RGL3: variants seen among roughly 807,000 people sequenced by gnomAD.
RGL3 encodes the protein ral guanine nucleotide dissociation stimulator like 3, also known as ral guanine nucleotide dissociation stimulator-like 3.
RGL3 carries 85 observed loss-of-function variants against 90.6 expected under a neutral mutation model. That is an observed-to-expected ratio of 0.94 (90% CI 0.79 to 1.12). The LOEUF is 1.12. RGL3 is among the 50% of genes most tolerant of loss of function. The pLI, the probability that RGL3 is intolerant of heterozygous loss-of-function variation, is 0.00. For missense variants in RGL3, 1,034 were observed against 939.2 expected, an observed-to-expected ratio of 1.10 and a Z score of -1.32; for synonymous variants, 408 against 385.5, an observed-to-expected ratio of 1.06 and a Z score of -0.68.
chr19:11,408,428 A>G (rs1428253191), intron 5 of RGL3, among the ~76,000 whole-genome samples: 2 of 152,058 alleles, frequency 1.3e-5, no homozygotes, highest in African/African-American at 4.8e-5. Flanking sequence ...CTAAAAAAAA[A>G]TACAAAAATT....
At position 11,413,736 on chromosome 19, in the gene RGL3, A is replaced by T. The variant is rs114237794; in HGVS notation, c.637+2201T>A. Among the ~76,000 whole-genome samples the T allele has an allele frequency of 2.5e-3, 366 of 148,544 alleles. 4 individuals are homozygous for T. The highest frequency in any genetic ancestry group is 8.1e-3 in the African/African-American group (331 of 40,852). On this transcript the variant is annotated intron_variant, in intron 5 of 18. Transcript: ENST00000380456. Reference sequence around the variant, plus strand: ...TAATTAATTAATTAATTATTATTATAATTTTGTTTTTTGGTTTTTTTTTTT... The same window carrying T: ...TAATTAATTAATTAATTATTATTATTATTTTGTTTTTTGGTTTTTTTTTTT...
At chr19:11,411,957 T>A (rs533235938) in intron 5 of RGL3, among the ~76,000 whole-genome samples, 5 of 152,166 alleles carry the variant, frequency 3.3e-5, no homozygotes, top group African/African-American at 1.2e-4. Flanking sequence ...GATTTTTTTT[T>A]AAGTATGAAC....
intron 4 of RGL3, 146 bp from the exon 5 acceptor site, chr19:11,416,294 C>T (rs532778782): frequency 1.5e-6 from 1 of 686,568 alleles, no homozygotes; most frequent in Non-Finnish European, 2.4e-6. Context: ...TCTTGACTCA[C>T]TGCAACCTCA....
chr19:11,419,119 T>TG, intron 1 of RGL3, 127 bp downstream of exon 1: 1 of 1,004,972 alleles, frequency 1.0e-6, no homozygotes, highest in Non-Finnish European at 1.4e-6. Flanking sequence ...GGGCCGCGAG[T>TG]CCCCAGGAGG....
chr19:11,396,154 A>AT (rs1968566216), intron 18 of RGL3, among the ~76,000 whole-genome samples: 4 of 65,886 alleles, frequency 6.1e-5, no homozygotes, highest in Non-Finnish European at 8.2e-5. Flanking sequence ...ATATATATAT[A>AT]TATATTTTTT....
intron 9 of RGL3, 130 bp from the exon 10 acceptor site, chr19:11,402,836 G>A (rs1177690404): frequency 7.0e-5 from 53 of 752,936 alleles, no homozygotes; most frequent in South Asian, 9.3e-5. Flanking sequence ...GGCCAGGTGC[G>A]ATGGCTCACG....
At position 11,416,908 on chromosome 19, in the gene RGL3, T is replaced by C. The variant is rs371958543; in HGVS notation, c.299A>G (p.Tyr100Cys). Residue 100 changes from tyrosine to cysteine, a missense_variant, in exon 3 of 19, where the codon TAC (tyrosine) becomes TGC (cysteine). By Grantham distance (194) the Tyr-to-Cys change is radical. Coordinates refer to ENST00000380456, the MANE Select transcript of RGL3 (RefSeq NM_001035223.4). ...GCAGGCAGTGGGTACAAAGGTCCGG[T>C]AGGTGGCCAGGAAGGCGGGCATGAA... ...PSFMPAFLAT[Y>C]RTFVPTACLL... 211 of 1,613,862 alleles carry C rather than the reference T, an allele frequency of 1.3e-4. No homozygotes were observed. The highest frequency in any genetic ancestry group is 1.7e-4 in the Non-Finnish European group (202 of 1,179,986).
At chr19:11,408,413 C>T (rs1428623458) in intron 5 of RGL3, among the ~76,000 whole-genome samples, 1 of 152,014 alleles carries the variant, frequency 6.6e-6, no homozygotes, top group African/African-American at 2.4e-5. Context: ...GAAACCCCGT[C>T]TCTACTAAAA....
intron 5 of RGL3, chr19:11,411,228 A>AG (rs1968869318): frequency 6.6e-6 from 1 of 152,060 alleles, no homozygotes; most frequent in Non-Finnish European, 1.5e-5. Context: ...AAAAAAAAAA[A>AG]AAAGAGAAGC....
chr19:11,409,977 C>T lies in RGL3; in HGVS notation c.638-3113G>A, dbSNP rs140641995. On this transcript the variant is annotated intron_variant, in intron 5 of 18. Coordinates refer to ENST00000380456, the MANE Select transcript of RGL3 (RefSeq NM_001035223.4). ...ATTTTGTGATGGAGTCTTGCTCTGT[C>T]GCCCAGGCTGGAGTGCAGTGGCTCG... is the stretch of plus-strand genomic sequence containing the variant. Among the ~76,000 whole-genome samples the T allele has an allele frequency of 2.4e-3, 370 of 151,824 alleles. 2 individuals are homozygous for T. Among genetic ancestry groups the T allele is most frequent in the African/African-American group, 8.6e-3 (357 of 41,440 alleles).
chr19:11,416,215 CCT>C (rs1968994333), intron 4 of RGL3, 67 bp from the exon 5 acceptor site: 6 of 855,184 alleles, frequency 7.0e-6, no homozygotes, highest in Non-Finnish European at 8.2e-6. Context: ...ACTCCTGGTA[CCT>C]TTTTTTTTTT....
chr19:11,394,298 G>C lies in RGL3; in HGVS notation c.*104C>G. ...GGGCTACAGTTGGGTGGTGGTCCTG[G>C]GATACACAGCACAGTGGCCTCTACT... is the stretch of plus-strand genomic sequence containing the variant. On this transcript the variant is annotated 3_prime_UTR_variant, in exon 19 of 19. Coordinates refer to ENST00000380456, the MANE Select transcript of RGL3 (RefSeq NM_001035223.4). The C allele has an allele frequency of 2.4e-6, 2 of 846,648 alleles. No individual in the cohort carries two copies. Among genetic ancestry groups the C allele is most frequent in the Non-Finnish European group, 4.1e-6 (2 of 489,912 alleles). 52.4% of individuals were successfully genotyped at this position (846,648 alleles called of 1,614,324 possible). A position where few individuals can be genotyped will look rare whatever the true frequency, so the allele number is the denominator to read the frequency against.
Position 11,416,655 on chromosome 19 carries a change from C to T in RGL3, c.384G>A (p.Lys128=). The T allele has an allele frequency of 6.2e-7, 1 of 1,614,136 alleles. No homozygotes were observed. Among genetic ancestry groups the T allele is most frequent in the East Asian group, 2.2e-5 (1 of 44,878 alleles). The change falls in exon 4 of 19, where the codon AAG becomes AAA. Residue 128 remains lysine (K), a synonymous_variant. Coordinates refer to ENST00000380456, the MANE Select transcript of RGL3 (RefSeq NM_001035223.4). ...AGCTCAGATCTTGTACCGCTGTCTT[C>T]TTGATCTCTACCCTGGGAAGAGGCC... ...PPPPPPGVEI[K]KTAVQDLSFN...
chr19:11,399,803 A>G, intron 16 of RGL3, 52 bp downstream of exon 16: 2 of 1,039,138 alleles, frequency 1.9e-6, no homozygotes, highest in Non-Finnish European at 2.8e-6. Context: ...GTGCACACAC[A>G]CAGAGCCTGG....
rs1213558192 is a variant in RGL3 at position 11,397,289 on chromosome 19, A to G, written c.1969T>C (p.Trp657Arg). The G allele has an allele frequency of 1.2e-6, 2 of 1,613,612 alleles. No homozygotes were observed. Reference sequence around the variant, plus strand: ...TGAAAGAGCTGATAGTCACAGGCCCAGGGCTGGGGCACATTGTGCTTCTGC... The same window carrying G: ...TGAAAGAGCTGATAGTCACAGGCCCGGGGCTGGGGCACATTGTGCTTCTGC... ...ALQKHNVPQP[W>R]ACDYQLFQVL... The change falls in exon 18 of 19, where the codon TGG becomes CGG. Residue 657 changes from tryptophan to arginine, a missense_variant. Trp to Arg is a moderately radical substitution (Grantham distance 101, BLOSUM62 -3). Transcript: ENST00000380456.
At chr19:11,413,259 G>A (rs1968902538) in intron 5 of RGL3, among the ~76,000 whole-genome samples, 1 of 149,458 alleles carries the variant, frequency 6.7e-6, no homozygotes, top group African/African-American at 2.4e-5. Flanking sequence ...AAGCGGGCCA[G>A]GCATGGTAGC....
chr19:11,407,416 A>G (rs1002110355), intron 5 of RGL3, among the ~76,000 whole-genome samples: 2 of 152,028 alleles, frequency 1.3e-5, no homozygotes, highest in Non-Finnish European at 2.9e-5. Context: ...CACCTTTTAC[A>G]ATTAAGGAAA....
intron 5 of RGL3, among the ~76,000 whole-genome samples, chr19:11,414,318 TAC>T (rs1968937572): frequency 2.4e-5 from 2 of 83,230 alleles, no homozygotes; most frequent in Non-Finnish European, 4.3e-5. Context: ...TATATATATA[TAC>T]CTTCATATAT....
At position 11,397,562 on chromosome 19, in the gene RGL3, G is replaced by A. The variant is rs1424945996; in HGVS notation, c.1782C>T (p.Pro594=). Residue 594 remains proline, a synonymous_variant, in exon 17 of 19, where the codon CCC becomes CCT. Coordinates refer to ENST00000380456, the MANE Select transcript of RGL3 (RefSeq NM_001035223.4). ...PLSLDLPSPR[P]FALPLGSPRI... ...GAGGGCTGCCCAGAGGCAAAGCGAA[G>A]GGCCGGGGGCTGGGCAGGTCCAGGC... 33 of 1,593,556 alleles carry A rather than the reference G, an allele frequency of 2.1e-5. No homozygotes were observed. Among genetic ancestry groups the A allele is most frequent in the Non-Finnish European group, 2.7e-5 (32 of 1,169,190 alleles).
Sources: gnomAD v4.1 joint callset for allele counts (sites outside exome capture counted in the v4.1 genomes callset) on GRCh38, gnomAD v4.1.1 for gene constraint, MANE v1.5 for transcripts, NCBI Gene and HGNC (gene_info 2026-07-23, HGNC 2026-07-21) for gene names.